The following CHFR variants were observed in gnomAD, a reference collection of about 807,000 sequenced individuals.
The protein encoded by CHFR is E3 ubiquitin-protein ligase CHFR.
In CHFR, 57 loss-of-function variants were observed where a neutral mutation model predicts 87.6. The ratio of observed to expected loss-of-function variants is 0.65; its 90% CI spans 0.53 to 0.81. The LOEUF is 0.81. Ranked by LOEUF, CHFR falls within the 30% of genes least tolerant of loss-of-function variation. The pLI is 0.00. For missense variants in CHFR, 797 were observed against 865.8 expected (o/e 0.92, Z 1.00); for synonymous variants, 381 against 359.2 (o/e 1.06, Z -0.69).
intron 10 of CHFR, chr12:132,854,947 A>C (rs1951032242): frequency 6.6e-6 from 1 of 152,248 alleles, no homozygotes; most frequent in Admixed American, 6.5e-5. Flanking sequence ...TCTACTAAAA[A>C]TACAAAATTA....
At chr12:132,860,654 G>A (rs7969859) in intron 7 of CHFR, among the ~76,000 whole-genome samples, 40,041 of 152,172 alleles carry the variant, frequency 0.26, 5,580 homozygotes, top group Middle Eastern at 0.42. Flanking sequence ...CTTAACTTTG[G>A]CTTTCAAAGT....
intron 3 of CHFR, 55 bp from the exon 4 acceptor site, chr12:132,872,449 GA>G: frequency 7.2e-7 from 1 of 1,380,400 alleles, no homozygotes; most frequent in Admixed American, 1.7e-5. Flanking sequence ...GGAGTTACAA[GA>G]TTTTTTTTCT....
At chr12:132,858,454 G>C (rs2136970699) in intron 8 of CHFR, among the ~76,000 whole-genome samples, 1 of 152,240 alleles carries the variant, frequency 6.6e-6, no homozygotes. Context: ...GCTGGGAGTA[G>C]TGGCTCACGC....
At chr12:132,854,136 C>T (rs1256722983) in intron 10 of CHFR, 1 of 152,316 alleles carries the variant, frequency 6.6e-6, no homozygotes, top group Non-Finnish European at 1.5e-5. Context: ...CACACCAAGG[C>T]CAGGGGCCAA....
Position 132,870,622 on chromosome 12 carries a change from C to T in CHFR, c.403+102G>A, listed in dbSNP as rs551745420. On this transcript the variant is annotated intron_variant, in intron 5 of 17. Coordinates refer to ENST00000450056, the MANE Select transcript of CHFR (RefSeq NM_001161346.2). ...CTGCAGTGAGCTGAGATCGCGCCAC[C>T]GCACTCCAGCCTGGGTAACAGAGCG... is the stretch of plus-strand genomic sequence containing the variant. 526 of 752,634 alleles carry T rather than the reference C, an allele frequency of 7.0e-4. 5 individuals carry two copies. The highest frequency in any genetic ancestry group is 2.7e-3 in the Middle Eastern group (11 of 4,092). The allele number at this position is 752,634 out of a possible 1,614,324, so 46.6% of individuals were successfully genotyped here.
At chr12:132,887,373 C>G (rs568495599) in intron 1 of CHFR, 33 bp from the exon 2 acceptor site, 3 of 1,284,522 alleles carry the variant, frequency 2.3e-6, no homozygotes, top group African/African-American at 3.1e-5. Context: ...CATGGAGACT[C>G]CCGACCCCAG....
intron 12 of CHFR, among the ~76,000 whole-genome samples, chr12:132,850,143 T>G (rs970709794): frequency 6.6e-6 from 1 of 152,044 alleles, no homozygotes; most frequent in African/African-American, 2.4e-5. Flanking sequence ...TTAGTAGAGA[T>G]GGGATTTCAC....
Position 132,887,293 on chromosome 12 carries a change from C to T in CHFR, c.36G>A (p.Pro12=). The T allele has an allele frequency of 6.7e-7, 1 of 1,483,764 alleles. No individual in the cohort carries two copies. Among genetic ancestry groups the T allele is most frequent in the Non-Finnish European group, 8.9e-7 (1 of 1,124,470 alleles). 91.9% of individuals were successfully genotyped at this position (1,483,764 alleles called of 1,614,324 possible). A position where few individuals can be genotyped will look rare whatever the true frequency, so the allele number is the denominator to read the frequency against. The change falls in exon 2 of 18, where the codon CCG becomes CCA. Residue 12 remains proline (P), a synonymous_variant. Transcript: ENST00000450056. ...GCAGGAGCCGTCCCCAGGGCTGCGG[C>T]GGCGGCGACTGCTTGCCTTCCTCGG... The part of the protein sequence containing the change: ...ERPEEGKQSP[P]PQPWGRLLRL...
rs571452651 is a variant in CHFR, at chr12:132,879,384, A to AT, written c.134-1731dup. Among the ~76,000 whole-genome samples the AT allele has an allele frequency of 4.8e-3, 638 of 132,992 alleles. 4 individuals are homozygous for AT. The highest frequency in any genetic ancestry group is 0.016 in the African/African-American group (583 of 35,746). The allele number at this position is 132,992 out of a possible 152,430, so 87.2% of individuals were successfully genotyped here. ...AATACAGTAATTCTGACACTTTGGG[A>AT]TTTTTTTTTTCTTTTTTTTTTTTTG... On this transcript the variant is annotated intron_variant, in intron 2 of 17. Transcript: ENST00000450056.
intron 11 of CHFR, among the ~76,000 whole-genome samples, chr12:132,852,880 T>C (rs1184077532): frequency 6.6e-6 from 1 of 152,222 alleles, no homozygotes; most frequent in Non-Finnish European, 1.5e-5. Context: ...TCCCATTCTA[T>C]GAGTCTGGAG....
chr12:132,849,491 A>G (rs1443573836), intron 12 of CHFR: 1 of 152,354 alleles, frequency 6.6e-6, no homozygotes, highest in African/African-American at 2.4e-5. Flanking sequence ...TGAGAGACAC[A>G]AAAGAAAGAA....
At chr12:132,872,492 C>G in intron 3 of CHFR, 98 bp from the exon 4 acceptor site, 1 of 738,108 alleles carries the variant, frequency 1.4e-6, no homozygotes, top group Non-Finnish European at 2.4e-6. Flanking sequence ...GATATGACCA[C>G]TCTGGAAATA....
intron 6 of CHFR, chr12:132,866,416 C>T (rs374575464): frequency 2.6e-5 from 4 of 151,856 alleles, no homozygotes; most frequent in African/African-American, 4.8e-5. Context: ...AACACCACAC[C>T]GGAATGTTAC....
At chr12:132,860,283 CCAACATT>C (rs1435627043) in intron 7 of CHFR, among the ~76,000 whole-genome samples, 1 of 152,116 alleles carries the variant, frequency 6.6e-6, no homozygotes, top group African/African-American at 2.4e-5. Context: ...GACACCCCTG[CCAACATT>C]ACATTAACAG....
At chr12:132,847,974 C>T in intron 14 of CHFR, 111 bp downstream of exon 14, 1 of 1,554,660 alleles carries the variant, frequency 6.4e-7, no homozygotes, top group Admixed American at 1.8e-5. Flanking sequence ...GCTCCCCAAC[C>T]CGCAGCGGGT....
Position 132,866,554 on chromosome 12 carries a change from G to A in CHFR, c.583+3065C>T, listed in dbSNP as rs184393013. ...AACACACCGGATGTTACAACACACC[G>A]CGATTGTTACAACACACCAGAATGT... On this transcript the variant is annotated intron_variant, in intron 6 of 17. Transcript: ENST00000450056. 6 of 141,662 alleles carry A rather than the reference G, an allele frequency of 4.2e-5. No homozygotes were observed. In the East Asian group the frequency reaches 6.0e-4, roughly 14 times the overall value. The allele number at this position is 141,662 out of a possible 1,614,324, so 8.8% of individuals were successfully genotyped here. A position where few individuals can be genotyped will look rare whatever the true frequency, so the allele number is the denominator to read the frequency against.
chr12:132,843,618 T>C (rs1049026669), intron 16 of CHFR, among the ~76,000 whole-genome samples: 5 of 152,114 alleles, frequency 3.3e-5, no homozygotes, highest in Non-Finnish European at 7.3e-5. Flanking sequence ...GGCTCCTGAC[T>C]GAGGCCAAAT....
rs766667278 is a variant in CHFR, at chr12:132,861,623, C to G, written c.595G>C (p.Gly199Arg). 10 of 1,613,970 alleles carry G rather than the reference C, an allele frequency of 6.2e-6. No homozygotes were observed. The African/African-American group carries it at 1.1e-4, about 17-fold the overall frequency. ...ERSSSCGSGG[G>R]GISPKGSGPS... ...CCACTTCCTTTAGGGGAGATGCCAC[C>G]ACCCCCAGACCCTGTGAGAGGAATC... Residue 199 changes from glycine to arginine, a missense_variant, in exon 7 of 18, where the codon GGT becomes CGT. By Grantham distance (125) the Gly-to-Arg change is moderately radical. Transcript: ENST00000450056.
chr12:132,844,694 G>C (rs1204140904), intron 15 of CHFR, among the ~76,000 whole-genome samples: 1 of 151,924 alleles, frequency 6.6e-6, no homozygotes, highest in Non-Finnish European at 1.5e-5. Flanking sequence ...GCAGTGGCGG[G>C]GTCTCAGCTC....
Sources: allele counts gnomAD v4.1 joint callset (sites outside exome capture counted in the v4.1 genomes callset), GRCh38; gene constraint gnomAD v4.1.1; transcripts MANE v1.5; gene names NCBI Gene and HGNC (gene_info 2026-07-23, HGNC 2026-07-21).